ZMAT4: variants seen among roughly 807,000 people sequenced by gnomAD.
ZMAT4 encodes zinc finger matrin-type protein 4.
A neutral mutation model predicts 28.7 loss-of-function variants in ZMAT4; 17 were observed. The observed-to-expected ratio is 0.59, with a 90% confidence interval of 0.41 to 0.89. ZMAT4 has a LOEUF of 0.89. Among genes scored for constraint, ZMAT4 ranks in the 40% least tolerant of loss-of-function variants. ZMAT4 has a pLI of 0.00. For synonymous variants in ZMAT4, 117 were observed against 109.2 expected (o/e 1.07, Z -0.44); for missense variants, 240 against 283.8 (o/e 0.85, Z 1.11).
intron 5 of ZMAT4, among the ~76,000 whole-genome samples, chr8:40,668,412 G>A (rs1165704474): frequency 3.5e-5 from 5 of 141,184 alleles, no homozygotes; most frequent in African/African-American, 1.3e-4. Flanking sequence ...GGAGGTTGCA[G>A]TGAGCCAAGA....
chr8:40,845,271 A>G (rs1816843478), intron 1 of ZMAT4, among the ~76,000 whole-genome samples: 1 of 152,204 alleles, frequency 6.6e-6, no homozygotes, highest in Non-Finnish European at 1.5e-5. Context: ...AGCTCCAAAA[A>G]GAAAAAAAAT....
chr8:40,668,430 A>G (rs1467276382), intron 5 of ZMAT4, among the ~76,000 whole-genome samples: 1 of 146,300 alleles, frequency 6.8e-6, no homozygotes, highest in East Asian at 2.0e-4. Context: ...AGATAGCGCC[A>G]CTGCACTCTA....
At chr8:40,550,092 G>A (rs1177994396) in intron 6 of ZMAT4, among the ~76,000 whole-genome samples, 1 of 152,054 alleles carries the variant, frequency 6.6e-6, no homozygotes, top group Non-Finnish European at 1.5e-5. Flanking sequence ...TTTCCCTATG[G>A]GGAGTAGTCA....
At chr8:40,532,328 T>C (rs1802716391) in intron 6 of ZMAT4, 90 bp from the exon 7 acceptor site, 4 of 1,056,290 alleles carry the variant, frequency 3.8e-6, no homozygotes, top group Non-Finnish European at 5.4e-6. Context: ...GTCTCTCTTC[T>C]ACTTCTCATA....
At chr8:40,602,578 A>T (rs775463556) in intron 5 of ZMAT4, among the ~76,000 whole-genome samples, 2 of 152,072 alleles carry the variant, frequency 1.3e-5, no homozygotes, top group African/African-American at 4.8e-5. Context: ...ACAGGAGTAA[A>T]GTGATATTGC....
At chr8:40,649,645 C>G (rs896641951) in intron 5 of ZMAT4, among the ~76,000 whole-genome samples, 6 of 152,068 alleles carry the variant, frequency 3.9e-5, no homozygotes, top group African/African-American at 1.4e-4. Flanking sequence ...CCACACCACA[C>G]CTATTCCAAA....
At chr8:40,770,834 C>T (rs112636264) in intron 2 of ZMAT4, among the ~76,000 whole-genome samples, 1,647 of 152,178 alleles carry the variant, frequency 0.011, 22 homozygotes, top group African/African-American at 0.038. Context: ...CTTTCTCACC[C>T]CTCTCTCTAA....
intron 1 of ZMAT4, among the ~76,000 whole-genome samples, chr8:40,877,351 A>G (rs1156817803): frequency 2.6e-5 from 4 of 152,202 alleles, no homozygotes; most frequent in African/African-American, 9.6e-5. Context: ...AACTAATACA[A>G]TAGTTAACGA....
At chr8:40,733,594 C>T (rs1255072555) in intron 3 of ZMAT4, among the ~76,000 whole-genome samples, 2 of 151,060 alleles carry the variant, frequency 1.3e-5, no homozygotes, top group Non-Finnish European at 2.9e-5. Context: ...TGTGTCAAGA[C>T]AATTTCAGGG....
intron 2 of ZMAT4, among the ~76,000 whole-genome samples, chr8:40,793,584 G>A (rs192895158): frequency 4.1e-4 from 63 of 152,324 alleles, no homozygotes; most frequent in African/African-American, 1.5e-3. Context: ...TAAAGCTCTC[G>A]TGATGTTTAA....
At chr8:40,542,585 C>T (rs28658565) in intron 6 of ZMAT4, among the ~76,000 whole-genome samples, 23,297 of 151,910 alleles carry the variant, frequency 0.15, 2,045 homozygotes, top group African/African-American at 0.23. Context: ...TACGGTGTGG[C>T]ACTATGTTGC....
intron 5 of ZMAT4, among the ~76,000 whole-genome samples, chr8:40,621,492 G>T (rs929532295): frequency 1.3e-5 from 2 of 152,198 alleles, no homozygotes; most frequent in African/African-American, 4.8e-5. Flanking sequence ...TCTGAAATTG[G>T]AACAGATAAT....
At chr8:40,683,143 G>A (rs1407439249) in intron 4 of ZMAT4, among the ~76,000 whole-genome samples, 1 of 152,130 alleles carries the variant, frequency 6.6e-6, no homozygotes, top group Non-Finnish European at 1.5e-5. Context: ...GAAGGGAGCA[G>A]CTTATTCTCC....
intron 5 of ZMAT4, among the ~76,000 whole-genome samples, chr8:40,670,061 T>C (rs1279500132): frequency 6.6e-6 from 1 of 152,202 alleles, no homozygotes; most frequent in Admixed American, 6.6e-5. Context: ...CTAAAATTTA[T>C]ATAGACATTT....
chr8:40,878,795 T>C (rs1410197477), intron 1 of ZMAT4, among the ~76,000 whole-genome samples: 1 of 152,208 alleles, frequency 6.6e-6, no homozygotes, highest in African/African-American at 2.4e-5. Flanking sequence ...TCCTGGGAGA[T>C]GCCCCCTCCT....
chr8:40,890,349 C>T (rs1247623083), intron 1 of ZMAT4, among the ~76,000 whole-genome samples: 4 of 152,142 alleles, frequency 2.6e-5, no homozygotes, highest in Non-Finnish European at 4.4e-5. Context: ...GGGAACACTG[C>T]TCTCTCTTTC....
At chr8:40,669,513 C>A (rs1375609926) in intron 5 of ZMAT4, among the ~76,000 whole-genome samples, 1 of 151,908 alleles carries the variant, frequency 6.6e-6, no homozygotes, top group Non-Finnish European at 1.5e-5. Flanking sequence ...GCAGAACCAA[C>A]CCCTCCTCTT....
intron 2 of ZMAT4, among the ~76,000 whole-genome samples, chr8:40,802,501 A>C (rs2150588423): frequency 6.6e-6 from 1 of 152,172 alleles, no homozygotes; most frequent in Admixed American, 6.5e-5. Context: ...TATAAATATA[A>C]TAAAATATGT....
chr8:40,678,469 G>A (rs1363199143), intron 4 of ZMAT4, among the ~76,000 whole-genome samples: 2 of 152,182 alleles, frequency 1.3e-5, no homozygotes, highest in African/African-American at 4.8e-5. Context: ...GTGCTGACCT[G>A]TACCAGGCTC....
Sources: allele counts gnomAD v4.1 joint callset (sites outside exome capture counted in the v4.1 genomes callset), GRCh38; gene constraint gnomAD v4.1.1; transcripts MANE v1.5; gene names NCBI Gene and HGNC (gene_info 2026-07-23, HGNC 2026-07-21).